Variants in PELP1 observed in about 807,000 individuals in gnomAD.
The protein encoded by PELP1 is proline-, glutamic acid- and leucine-rich protein 1.
Under a neutral mutation model 95.5 loss-of-function variants are expected in PELP1, and 32 were observed. The ratio of observed to expected loss-of-function variants is 0.34; its 90% CI spans 0.25 to 0.45. The LOEUF (loss-of-function observed/expected upper bound fraction) is 0.45. Ranked by LOEUF, PELP1 falls within the 20% of genes least tolerant of loss-of-function variation. The pLI is 1.00. For missense variants in PELP1, 1,358 were observed against 1,444.8 expected (o/e 0.94, Z 0.97); for synonymous variants, 668 against 600.1 (o/e 1.11, Z -1.65).
Position 4,676,001 on chromosome 17 carries a change from T to C in PELP1, c.980+35A>G. The C allele has an allele frequency of 1.9e-6, 3 of 1,611,902 alleles. No individual in the cohort carries two copies. In the South Asian group the frequency reaches 3.3e-5, roughly 18 times the overall value. On this transcript the variant is annotated intron_variant, in intron 8 of 16. Transcript: ENST00000572293. ...ACACTCCCTCATCAATCCCTCCTGC[T>C]CCACGCCTCCGCTCCCTCCAATACC... is the stretch of plus-strand genomic sequence containing the variant.
chr17:4,688,101 G>A (rs774981555), intron 3 of PELP1, among the ~76,000 whole-genome samples: 3 of 152,250 alleles, frequency 2.0e-5, no homozygotes, highest in South Asian at 2.1e-4. Context: ...TAGGGAGGCC[G>A]AGGCAGTCAG....
Position 4,671,033 on chromosome 17 carries a change from CGT to C in PELP1, c.*404_*405del, listed in dbSNP as rs1415787197. The C allele has an allele frequency of 4.6e-6, 1 of 215,530 alleles. No homozygotes were observed. Among genetic ancestry groups the C allele is most frequent in the African/African-American group, 2.3e-5 (1 of 42,868 alleles). 13.4% of individuals were successfully genotyped at this position (215,530 alleles called of 1,614,324 possible). On this transcript the variant is annotated 3_prime_UTR_variant, in exon 17 of 17. Coordinates refer to ENST00000572293, the MANE Select transcript of PELP1 (RefSeq NM_014389.3). ...CAGACCAAGGGGCTGAGCACGCATGCGTGTGGGCATGTGGGTGTTGACACAGG... is the reference window on the plus strand; with the variant it reads ...CAGACCAAGGGGCTGAGCACGCATGCGTGGGCATGTGGGTGTTGACACAGG...
At chr17:4,680,325 T>A (rs1022353978) in intron 5 of PELP1, among the ~76,000 whole-genome samples, 16 of 152,336 alleles carry the variant, frequency 1.1e-4, no homozygotes, top group African/African-American at 3.8e-4. Flanking sequence ...TCACCCAGGC[T>A]GGAGTACAGT....
chr17:4,694,497 C>CAAA lies in PELP1; in HGVS notation c.250-3058_250-3056dup, dbSNP rs55794918. 3.1e-4 allele frequency among the ~76,000 whole-genome samples: 17 copies of CAAA among 54,638 alleles called. 6 individuals are homozygous for CAAA. The highest frequency in any genetic ancestry group is 1.0e-3 in the Admixed American group (4 of 3,878). 35.8% of individuals were successfully genotyped at this position (54,638 alleles called of 152,430 possible). A position where few individuals can be genotyped will look rare whatever the true frequency, so the allele number is the denominator to read the frequency against. On this transcript the variant is annotated intron_variant, in intron 1 of 16. Transcript: ENST00000572293. ...TGAAACGCCATCTCTACCAAAAATA[C>CAAA]AAAAAAAAAAAAATCAGCCAGGCGT... is the stretch of plus-strand genomic sequence containing the variant.
chr17:4,673,687 A>C lies in PELP1; in HGVS notation c.1583-13T>G, dbSNP rs1267465680. 2 of 1,612,954 alleles carry C rather than the reference A, an allele frequency of 1.2e-6. No homozygotes were observed. The highest frequency in any genetic ancestry group is 2.7e-5 in the African/African-American group (2 of 74,846). Reference sequence around the variant, plus strand: ...GTCCGGCTGAGGCCTGGGGAAGAAGAATGGTGTGTAAAGGGTAGGCTCCCA... The same window carrying C: ...GTCCGGCTGAGGCCTGGGGAAGAAGCATGGTGTGTAAAGGGTAGGCTCCCA... On this transcript the variant is annotated splice_polypyrimidine_tract_variant and intron_variant, in intron 13 of 16. Coordinates refer to ENST00000572293, the MANE Select transcript of PELP1 (RefSeq NM_014389.3). This position sits in a 1 kb window ranked among gnomAD's most constrained non-coding sequence, Gnocchi z 5.7.
At position 4,677,275 on chromosome 17, in the gene PELP1, G is replaced by A. The variant is rs181594193; in HGVS notation, c.643-463C>T. 3.3e-4 allele frequency among the ~76,000 whole-genome samples: 51 copies of A among 152,246 alleles called. No homozygotes were observed. In the East Asian group the frequency reaches 6.6e-3, roughly 20 times the overall value. On this transcript the variant is annotated intron_variant, in intron 5 of 16. Transcript: ENST00000572293. ...GAGCAGAAGTAAGGCAGCAAGTCTCGGAGTAGCAATCTGTCATTCGGCACT... is the reference window on the plus strand; with the variant it reads ...GAGCAGAAGTAAGGCAGCAAGTCTCAGAGTAGCAATCTGTCATTCGGCACT...
chr17:4,690,288 T>C (rs1913051794), intron 3 of PELP1, among the ~76,000 whole-genome samples: 1 of 151,990 alleles, frequency 6.6e-6, no homozygotes, highest in South Asian at 2.1e-4. Context: ...ATGTGGGAGA[T>C]GGGTGAGGGA....
chr17:4,703,758 C>T, intron 1 of PELP1, 105 bp downstream of exon 1: 1 of 974,848 alleles, frequency 1.0e-6, no homozygotes, highest in Non-Finnish European at 1.5e-6. Flanking sequence ...CGCAGCTCTC[C>T]TTCCTTCAAC....
intron 1 of PELP1, among the ~76,000 whole-genome samples, chr17:4,702,821 G>C (rs1913596037): frequency 1.3e-5 from 2 of 152,136 alleles, no homozygotes; most frequent in Non-Finnish European, 2.9e-5. Flanking sequence ...TGGGAGAGAA[G>C]GGAAGATAGG....
chr17:4,703,947 C>T lies in PELP1; in HGVS notation c.165G>A (p.Pro55=), dbSNP rs756817385. 5 of 1,613,488 alleles carry T rather than the reference C, an allele frequency of 3.1e-6. No individual in the cohort carries two copies. The highest frequency in any genetic ancestry group is 3.3e-5 in the Admixed American group (2 of 59,998). ...LQPRTGSAVA[P]VHPPNRSAPH... is the part of the protein sequence containing the mutation. Reference sequence around the variant, plus strand: ...GGGCCGAGCGGTTTGGGGGATGCACCGGAGCAACGGCAGACCCCGTTCGAG... The same window carrying T: ...GGGCCGAGCGGTTTGGGGGATGCACTGGAGCAACGGCAGACCCCGTTCGAG... The change falls in exon 1 of 17, where the codon CCG becomes CCA. Residue 55 remains proline, a synonymous_variant. Coordinates refer to ENST00000572293, the MANE Select transcript of PELP1 (RefSeq NM_014389.3).
At position 4,674,518 on chromosome 17, in the gene PELP1, G is replaced by A. The variant is rs747482986; in HGVS notation, c.1574C>T (p.Ala525Val). The A allele has an allele frequency of 6.2e-7, 1 of 1,612,382 alleles. No homozygotes were observed. The highest frequency in any genetic ancestry group is 1.1e-5 in the South Asian group (1 of 90,902). The change falls in exon 13 of 17, where the codon GCA becomes GTA. Residue 525 changes from alanine (A) to valine (V), a missense_variant. Around this residue, in one of 7 missense-constraint regions of PELP1, gnomAD observed 538 missense variants for 628.1 expected, o/e 0.86. Transcript: ENST00000572293. ...GCACAGGCCTCACCCACCTCTGAGTGCAGCCGCACACACGTCGCTGTTGGC... is the reference window on the plus strand; with the variant it reads ...GCACAGGCCTCACCCACCTCTGAGTACAGCCGCACACACGTCGCTGTTGGC... The part of the protein sequence containing the change: ...SNANSDVCAA[A>V]LRGLSRTILM...
Position 4,672,291 on chromosome 17 carries a change from TTCTTCTTCTTCC to T in PELP1, c.2688_2699del (p.Glu905_Glu908del), listed in dbSNP as rs1359643099. On this transcript the variant is annotated inframe_deletion, in exon 16 of 17. Coordinates refer to ENST00000572293, the MANE Select transcript of PELP1 (RefSeq NM_014389.3). ...CTTCCTCCTCTTCCTCTTCTTCCTC[TTCTTCTTCTTCC>T]TCTTCTTCCTCTTCCTCCTCCTCTT... is the stretch of plus-strand genomic sequence containing the variant. 3 of 1,542,332 alleles carry T rather than the reference TTCTTCTTCTTCC, an allele frequency of 1.9e-6. No individual in the cohort carries two copies. Among genetic ancestry groups the T allele is most frequent in the African/African-American group, 2.8e-5 (2 of 71,502 alleles).
chr17:4,676,260 CA>C (rs1198989051), intron 7 of PELP1, 96 bp downstream of exon 7: 44 of 1,577,586 alleles, frequency 2.8e-5, no homozygotes, highest in Non-Finnish European at 3.7e-5. Context: ...CCATTTTCCC[CA>C]AAAACCAACT....
chr17:4,686,664 C>T (rs930589585), intron 3 of PELP1, among the ~76,000 whole-genome samples: 1 of 152,078 alleles, frequency 6.6e-6, no homozygotes, highest in Non-Finnish European at 1.5e-5. Context: ...ATTACAGGTG[C>T]CTGCCACCAT....
chr17:4,681,764 C>T lies in PELP1; in HGVS notation c.642+738G>A, dbSNP rs552920201. On this transcript the variant is annotated intron_variant, in intron 5 of 16. Coordinates refer to ENST00000572293, the MANE Select transcript of PELP1 (RefSeq NM_014389.3). ...GCAGTGAGCCAAGATCACGCCACTGCACTCCAGCCTGGCAACAGAGTGAGA... is the reference window on the plus strand; with the variant it reads ...GCAGTGAGCCAAGATCACGCCACTGTACTCCAGCCTGGCAACAGAGTGAGA... Among the ~76,000 whole-genome samples, 168 of 152,132 alleles carry T rather than the reference C, an allele frequency of 1.1e-3. 6 individuals carry two copies. The South Asian group carries it at 0.033, about 30-fold the overall frequency.
chr17:4,676,667 G>T, intron 6 of PELP1, 86 bp downstream of exon 6: 2 of 1,392,280 alleles, frequency 1.4e-6, no homozygotes, highest in Non-Finnish European at 2.0e-6. Context: ...GCATATGAAG[G>T]CAGGACAGAA....
Position 4,677,417 on chromosome 17 carries a change from C to T in PELP1, c.643-605G>A, listed in dbSNP as rs185916573. 5.9e-5 allele frequency among the ~76,000 whole-genome samples: 9 copies of T among 152,256 alleles called. No homozygotes were observed. In the East Asian group the frequency reaches 1.7e-3, roughly 29 times the overall value. On this transcript the variant is annotated intron_variant, in intron 5 of 16. Transcript: ENST00000572293. The stretch of plus-strand genomic sequence containing the variant: ...TCATGGATGGGGAAAAAAATTACTC[C>T]CACTAGCCTATTTGTAAAATGTAGT...
In PELP1 at chr17:4,676,092, A is replaced by G; in HGVS notation, c.924T>C (p.Leu308=). 1 of 1,613,930 alleles carries G rather than the reference A, an allele frequency of 6.2e-7. No homozygotes were observed. The highest frequency in any genetic ancestry group is 8.5e-7 in the Non-Finnish European group (1 of 1,179,862). Residue 308 remains leucine, a synonymous_variant, in exon 8 of 17, where the codon CTT becomes CTC. Transcript: ENST00000572293. ...CCGAAAACCTCTGCCGAAGCTGGAG[A>G]AGGACATGGGCATCACCATCTTCTG... ...LSSEDGDAHV[L]LQLRQRFSGL...
chr17:4,675,947 C>A lies in PELP1; in HGVS notation c.981-63G>T, dbSNP rs977459604. The stretch of plus-strand genomic sequence containing the variant: ...CTCCCTGGCATAACTCCCACACCCA[C>A]CTTCATCTCCTTTCTCCTGATGAAG... On this transcript the variant is annotated intron_variant, in intron 8 of 16. Transcript: ENST00000572293. The surrounding 1 kb of genome is among the most constrained non-coding windows in gnomAD (Gnocchi z 4.3). 2.5e-6 allele frequency: 4 copies of A among 1,590,488 alleles called. No individual in the cohort carries two copies. In the African/African-American group the frequency reaches 5.4e-5, roughly 21 times the overall value.
Sources: allele counts gnomAD v4.1 joint callset (sites outside exome capture counted in the v4.1 genomes callset), GRCh38; gene constraint gnomAD v4.1.1; regional missense constraint gnomAD v4.1.1; non-coding constraint Gnocchi (gnomAD v3.1); transcripts MANE v1.5; gene names NCBI Gene and HGNC (gene_info 2026-07-23, HGNC 2026-07-21).